The following TNIK variants were observed in gnomAD, a reference collection of about 807,000 sequenced individuals.
TNIK encodes TRAF2 and NCK-interacting protein kinase.
TNIK carries 49 observed loss-of-function variants against 191.3 expected under a neutral mutation model. The ratio of observed to expected loss-of-function variants is 0.26; its 90% CI spans 0.20 to 0.32. TNIK has a LOEUF of 0.32. TNIK is among the 10% of genes least tolerant of loss of function. TNIK has a pLI of 1.00. For missense variants in TNIK, 1,155 were observed against 1,702.3 expected (o/e 0.68, Z 5.66); for synonymous variants, 594 against 600.9 (o/e 0.99, Z 0.17).
Position 171,084,015 on chromosome 3 carries a change from T to C in TNIK, c.3169+140A>G, listed in dbSNP as rs368112395. 1.6e-5 allele frequency: 18 copies of C among 1,150,220 alleles called. No individual in the cohort carries two copies. In the African/African-American group the frequency reaches 1.7e-4, roughly 11 times the overall value. 71.3% of individuals were successfully genotyped at this position (1,150,220 alleles called of 1,614,324 possible). ...CTTTTGGTTTCTCCTGAGGTCAAGATAGTCCCAAGTTAGGTCTCTAATACC... is the reference window on the plus strand; with the variant it reads ...CTTTTGGTTTCTCCTGAGGTCAAGACAGTCCCAAGTTAGGTCTCTAATACC... On this transcript the variant is annotated intron_variant, in intron 26 of 32. Transcript: ENST00000436636.
At chr3:171,224,444 A>G (rs1412214661) in intron 3 of TNIK, among the ~76,000 whole-genome samples, 1 of 151,936 alleles carries the variant, frequency 6.6e-6, no homozygotes, top group Non-Finnish European at 1.5e-5. Flanking sequence ...CCAAATGAAA[A>G]TGGGGATTAT....
At chr3:171,106,014 G>T (rs1020912240) in intron 21 of TNIK, among the ~76,000 whole-genome samples, 20 of 152,128 alleles carry the variant, frequency 1.3e-4, no homozygotes, top group African/African-American at 4.8e-4. Flanking sequence ...CCGCAAACAT[G>T]CGGAGTCTCA....
chr3:171,230,297 C>T (rs1242533847), intron 2 of TNIK, among the ~76,000 whole-genome samples: 4 of 152,186 alleles, frequency 2.6e-5, no homozygotes, highest in Non-Finnish European at 4.4e-5. Context: ...TTGTAACCAA[C>T]AGTGGACTTT....
intron 2 of TNIK, chr3:171,347,095 T>C: frequency 1.3e-6 from 2 of 1,495,482 alleles, no homozygotes; most frequent in Non-Finnish European, 1.8e-6. Context: ...AAGAGAGAAA[T>C]CAGGAACCAT....
At chr3:171,282,341 G>GTTTTTTTTTTTTTTTTTTTTTTTTTTT (rs869305605) in intron 2 of TNIK, among the ~76,000 whole-genome samples, 1 of 79,964 alleles carries the variant, frequency 1.3e-5, no homozygotes, top group African/African-American at 4.5e-5. Flanking sequence ...ATGGTTTTTT[G>GTTTTTTTTTTTTTTTTTTTTTTTTTTT]TTTTTTTTTT....
At chr3:171,227,575 C>T (rs1372210084) in intron 3 of TNIK, among the ~76,000 whole-genome samples, 1 of 152,176 alleles carries the variant, frequency 6.6e-6, no homozygotes, top group Non-Finnish European at 1.5e-5. Flanking sequence ...AGTATTCACT[C>T]TAACTACATA....
rs144885048 is a variant in TNIK, at chr3:171,166,538, A to G, written c.949+557T>C. ...AGATGTGCTTTTGCATATATAAAAT[A>G]AAGAAGTGTGTTAAATGACCTTCAG... On this transcript the variant is annotated intron_variant, in intron 10 of 32. Transcript: ENST00000436636. Among the ~76,000 whole-genome samples, 15 of 140,980 alleles carry G rather than the reference A, an allele frequency of 1.1e-4. No individual in the cohort carries two copies. The East Asian group carries it at 3.0e-3, about 29-fold the overall frequency. The allele number at this position is 140,980 out of a possible 152,430, so 92.5% of individuals were successfully genotyped here. A position where few individuals can be genotyped will look rare whatever the true frequency, so the allele number is the denominator to read the frequency against.
In TNIK at chr3:171,322,837, T is replaced by C. The variant is rs574519424; in HGVS notation, c.123+46783A>G. Among the ~76,000 whole-genome samples the C allele has an allele frequency of 6.3e-4, 63 of 99,668 alleles. 1 individual carries two copies. The South Asian group carries it at 0.019, about 30-fold the overall frequency. 65.4% of individuals were successfully genotyped at this position (99,668 alleles called of 152,430 possible). ...TTGTTGTTATTATTGTTGTTTTCTT[T>C]TCTTTTTTTTTTTTTTTTTAAGTGC... On this transcript the variant is annotated intron_variant, in intron 2 of 32. Coordinates refer to ENST00000436636, the MANE Select transcript of TNIK (RefSeq NM_015028.4).
intron 1 of TNIK, among the ~76,000 whole-genome samples, chr3:171,422,657 T>C (rs962565754): frequency 1.3e-5 from 2 of 152,220 alleles, no homozygotes; most frequent in Non-Finnish European, 2.9e-5. Flanking sequence ...TGCACTGAGA[T>C]ACAAAGATGA....
intron 2 of TNIK, among the ~76,000 whole-genome samples, chr3:171,348,534 A>G (rs1439583729): frequency 6.6e-6 from 1 of 152,222 alleles, no homozygotes; most frequent in Non-Finnish European, 1.5e-5. Context: ...CAGTCAACAA[A>G]AAATTATTCT....
Position 171,245,451 on chromosome 3 carries a change from A to AAC in TNIK, c.124-17232_124-17231dup, listed in dbSNP as rs1366088806. ...ACCTTATCATACTAAAAATAAAAGA[A>AAC]ACAACATTTAAACCATAAATTTTTA... On this transcript the variant is annotated intron_variant, in intron 2 of 32. Transcript: ENST00000436636. 2.6e-5 allele frequency among the ~76,000 whole-genome samples: 4 copies of AAC among 152,188 alleles called. No individual in the cohort carries two copies. In the South Asian group the frequency reaches 8.3e-4, roughly 32 times the overall value.
intron 2 of TNIK, chr3:171,347,102 C>A: frequency 6.7e-7 from 1 of 1,502,276 alleles, no homozygotes; most frequent in Non-Finnish European, 8.8e-7. Flanking sequence ...AAATCAGGAA[C>A]CATTTAGGAA....
At chr3:171,357,902 G>T (rs554178499) in intron 2 of TNIK, among the ~76,000 whole-genome samples, 2 of 152,264 alleles carry the variant, frequency 1.3e-5, no homozygotes, top group African/African-American at 2.4e-5. Flanking sequence ...GAGGCTGGAG[G>T]GGGAGGCAGA....
rs116188394 is a variant in TNIK, at chr3:171,315,716, G to A, written c.123+53904C>T. ...TACCAACATTTCTTGACATTCCCTG[G>A]CTTACAAACTCATCCCTCCCATCTC... On this transcript the variant is annotated intron_variant, in intron 2 of 32. Transcript: ENST00000436636. 2.2e-3 allele frequency among the ~76,000 whole-genome samples: 331 copies of A among 151,876 alleles called. 4 individuals carry two copies. The highest frequency in any genetic ancestry group is 6.8e-3 in the Middle Eastern group (2 of 294).
At chr3:171,096,903 C>T (rs1482410360) in intron 22 of TNIK, among the ~76,000 whole-genome samples, 2 of 152,158 alleles carry the variant, frequency 1.3e-5, no homozygotes, top group East Asian at 3.8e-4. Context: ...AAATATAGCT[C>T]TTCTGTGAAT....
At chr3:171,326,777 T>C (rs767125459) in intron 2 of TNIK, among the ~76,000 whole-genome samples, 1 of 152,214 alleles carries the variant, frequency 6.6e-6, no homozygotes, top group African/African-American at 2.4e-5. Flanking sequence ...GGTAATAATA[T>C]TGTTTAATTT....
intron 3 of TNIK, among the ~76,000 whole-genome samples, chr3:171,212,597 C>G (rs1296248647): frequency 6.6e-6 from 1 of 152,156 alleles, no homozygotes; most frequent in Non-Finnish European, 1.5e-5. Flanking sequence ...CTTTGTAGCA[C>G]CTATCAGAAT....
intron 11 of TNIK, among the ~76,000 whole-genome samples, chr3:171,160,837 A>C (rs1293008695): frequency 1.3e-5 from 2 of 152,214 alleles, no homozygotes; most frequent in Non-Finnish European, 2.9e-5. Flanking sequence ...GAAAATACCA[A>C]GGCATGTGAC....
At position 171,095,824 on chromosome 3, in the gene TNIK, G is replaced by A. The variant is rs189742050; in HGVS notation, c.2592-1856C>T. Among the ~76,000 whole-genome samples, 10 of 152,264 alleles carry A rather than the reference G, an allele frequency of 6.6e-5. No individual in the cohort carries two copies. In the East Asian group the frequency reaches 1.9e-3, roughly 29 times the overall value. ...TCTAAATGTGGGCTAGAACTGATGT[G>A]TTTGGGAAGAAATTCCAAAGAGGCA... On this transcript the variant is annotated intron_variant, in intron 22 of 32. Transcript: ENST00000436636.
Sources: allele counts gnomAD v4.1 joint callset (sites outside exome capture counted in the v4.1 genomes callset), GRCh38; gene constraint gnomAD v4.1.1; transcripts MANE v1.5; gene names NCBI Gene and HGNC (gene_info 2026-07-23, HGNC 2026-07-21).